The following MAP3K1 variants were observed in gnomAD, a reference collection of about 807,000 sequenced individuals.
MAP3K1 encodes MAP/ERK kinase kinase 1.
Under a neutral mutation model 144.2 loss-of-function variants are expected in MAP3K1, and 36 were observed. That is an observed-to-expected ratio of 0.25 (90% CI 0.19 to 0.33). The LOEUF (loss-of-function observed/expected upper bound fraction) is 0.33. MAP3K1 is among the 10% of genes least tolerant of loss of function. The pLI, the probability that MAP3K1 is intolerant of heterozygous loss-of-function variation, is 1.00. For missense variants in MAP3K1, 1,650 were observed against 1,881.9 expected, an observed-to-expected ratio of 0.88 and a Z score of 2.28; for synonymous variants, 718 against 688.7, an observed-to-expected ratio of 1.04 and a Z score of -0.67.
At chr5:56,887,659 AAT>A in intron 18 of MAP3K1, 139 bp downstream of exon 18, 1 of 902,480 alleles carries the variant, frequency 1.1e-6, no homozygotes, top group South Asian at 1.3e-5. Context: ...CGGTTTTAAT[AAT>A]ATCTTTCAGA....
chr5:56,844,024 A>G (rs1746898953), intron 1 of MAP3K1, among the ~76,000 whole-genome samples: 1 of 152,118 alleles, frequency 6.6e-6, no homozygotes, highest in African/African-American at 2.4e-5. Flanking sequence ...GGAATGCTAC[A>G]TACCTTCTTT....
At chr5:56,817,106 G>A (rs1746001627) in intron 1 of MAP3K1, 2 of 985,268 alleles carry the variant, frequency 2.0e-6, no homozygotes, top group African/African-American at 1.7e-5. Context: ...ATGAAGTACA[G>A]TATGTGTAAG....
rs532941102 is a variant in MAP3K1, at chr5:56,859,864, A to G, written c.783A>G (p.Thr261=). The G allele has an allele frequency of 6.2e-7, 1 of 1,613,886 alleles. No individual in the cohort carries two copies. Among genetic ancestry groups the G allele is most frequent in the South Asian group, 1.1e-5 (1 of 90,976 alleles). The change falls in exon 3 of 20, where the codon ACA becomes ACG. Residue 261 remains threonine, a synonymous_variant. Transcript: ENST00000399503. The stretch of plus-strand genomic sequence containing the variant: ...CTGGCAACTCCCCATCAGGTCGCAC[A>G]GTGAAATCAGAATCTCCAGGAGTAA... ...PSPGNSPSGR[T]VKSESPGVRR... is the part of the protein sequence containing the mutation.
At chr5:56,885,516 G>C (rs1016124766) in intron 16 of MAP3K1, among the ~76,000 whole-genome samples, 1 of 152,168 alleles carries the variant, frequency 6.6e-6, no homozygotes, top group Admixed American at 6.6e-5. Flanking sequence ...CTAGTAAATG[G>C]TAGAATATGA....
chr5:56,882,577 C>T lies in MAP3K1; in HGVS notation c.3377C>T (p.Thr1126Ile), dbSNP rs1354482006. ...GAGAAATGCAGATTAGATGTCAATA[C>T]AGAGCTCAACTCCAGTATTGAGGAC... ...VEEKCRLDVN[T>I]ELNSSIEDLL... The change falls in exon 14 of 20, where the codon ACA becomes ATA. Residue 1126 changes from threonine to isoleucine, a missense_variant. Physicochemically the swap from Thr to Ile is moderately conservative, Grantham distance 89. This residue lies in a region of MAP3K1 where 841 missense variants were observed against 886.5 expected (regional missense o/e 0.95). Coordinates refer to ENST00000399503, the MANE Select transcript of MAP3K1 (RefSeq NM_005921.2). 4 of 1,614,154 alleles carry T rather than the reference C, an allele frequency of 2.5e-6. No homozygotes were observed. Among genetic ancestry groups the T allele is most frequent in the Non-Finnish European group, 3.4e-6 (4 of 1,180,018 alleles).
At chr5:56,835,593 GA>G (rs1746630004) in intron 1 of MAP3K1, among the ~76,000 whole-genome samples, 1 of 151,956 alleles carries the variant, frequency 6.6e-6, no homozygotes, top group Non-Finnish European at 1.5e-5. Context: ...AGGGATGAAG[GA>G]GAGGTGCGGA....
intron 19 of MAP3K1, among the ~76,000 whole-genome samples, chr5:56,892,904 T>TAAA (rs1748588889): frequency 6.6e-6 from 1 of 151,820 alleles, no homozygotes; most frequent in Non-Finnish European, 1.5e-5. Flanking sequence ...TATCACAATT[T>TAAA]AAAAATAATT....
Position 56,815,586 on chromosome 5 carries a change from G to GCGGGGAATCGCGCCTCGTCGT in MAP3K1, c.18_38dup (p.Asn7_Gly13dup), listed in dbSNP as rs1201651532. ...CCCGCGAGAGAAAATGGCGGCGGCGGCGGGGAATCGCGCCTCGTCGTCGGG... is the reference window on the plus strand; with the variant it reads ...CCCGCGAGAGAAAATGGCGGCGGCGGCGGGGAATCGCGCCTCGTCGTCGGGGAATCGCGCCTCGTCGTCGGG... On this transcript the variant is annotated inframe_insertion, in exon 1 of 20. Transcript: ENST00000399503. 7 of 1,298,916 alleles carry GCGGGGAATCGCGCCTCGTCGT rather than the reference G, an allele frequency of 5.4e-6. No homozygotes were observed. Among genetic ancestry groups the GCGGGGAATCGCGCCTCGTCGT allele is most frequent in the African/African-American group, 1.5e-5 (1 of 64,552 alleles). 80.5% of individuals were successfully genotyped at this position (1,298,916 alleles called of 1,614,324 possible). A position where few individuals can be genotyped will look rare whatever the true frequency, so the allele number is the denominator to read the frequency against.
chr5:56,818,576 G>A (rs1746055382), intron 1 of MAP3K1, among the ~76,000 whole-genome samples: 1 of 152,088 alleles, frequency 6.6e-6, no homozygotes, highest in South Asian at 2.1e-4. Flanking sequence ...CAGGGTGATA[G>A]CTGAAATCAG....
At chr5:56,830,493 T>C (rs957954304) in intron 1 of MAP3K1, among the ~76,000 whole-genome samples, 1 of 152,200 alleles carries the variant, frequency 6.6e-6, no homozygotes, top group Non-Finnish European at 1.5e-5. Context: ...CCAAGTTGTT[T>C]TGGGACTTGG....
At chr5:56,841,850 AC>A (rs1746824806) in intron 1 of MAP3K1, among the ~76,000 whole-genome samples, 1 of 152,076 alleles carries the variant, frequency 6.6e-6, no homozygotes, top group Non-Finnish European at 1.5e-5. Context: ...GAATTTCCAG[AC>A]CCCTGAATCC....
In MAP3K1 at chr5:56,860,650, C is replaced by T. The variant is rs145573856; in HGVS notation, c.834+735C>T. 9.1e-3 allele frequency among the ~76,000 whole-genome samples: 1,386 copies of T among 152,128 alleles called. 11 individuals are homozygous for T. The highest frequency in any genetic ancestry group is 0.015 in the Non-Finnish European group (1,011 of 67,998). ...GGCGGATCACCTGAGGTCAGGAGTT[C>T]GAGACCAGCTTGGCCAACATGGTGA... On this transcript the variant is annotated intron_variant, in intron 3 of 19. Transcript: ENST00000399503.
intron 10 of MAP3K1, 79 bp downstream of exon 10, chr5:56,875,389 C>A: frequency 6.8e-7 from 1 of 1,478,442 alleles, no homozygotes; most frequent in Non-Finnish European, 9.3e-7. Flanking sequence ...TTTTAAGATA[C>A]AATAAAGCTA....
chr5:56,852,996 C>A (rs1409640631), intron 1 of MAP3K1, among the ~76,000 whole-genome samples: 1 of 151,928 alleles, frequency 6.6e-6, no homozygotes, highest in Non-Finnish European at 1.5e-5. Context: ...AAAAACAATA[C>A]AAGTATGTAA....
At chr5:56,859,689 C>G in intron 2 of MAP3K1, 26 bp from the exon 3 acceptor site, 1 of 1,545,648 alleles carries the variant, frequency 6.5e-7, no homozygotes, top group Non-Finnish European at 8.9e-7. Context: ...TTTAAGTAAT[C>G]AAAATATTGG....
intron 1 of MAP3K1, among the ~76,000 whole-genome samples, chr5:56,824,214 G>T (rs1185499054): frequency 1.3e-5 from 2 of 152,174 alleles, no homozygotes. Context: ...AAACCCAGCA[G>T]CCTCTCTTAT....
At chr5:56,844,009 T>C (rs1337398733) in intron 1 of MAP3K1, among the ~76,000 whole-genome samples, 2 of 152,060 alleles carry the variant, frequency 1.3e-5, no homozygotes, top group African/African-American at 4.8e-5. Flanking sequence ...GGCAAGTGAA[T>C]GTGAGGAATG....
intron 3 of MAP3K1, among the ~76,000 whole-genome samples, chr5:56,864,388 T>G (rs1341987097): frequency 6.6e-6 from 1 of 151,154 alleles, no homozygotes; most frequent in African/African-American, 2.4e-5. Flanking sequence ...CTTTTTTTTT[T>G]TTTTTTTGAG....
At chr5:56,852,688 C>T in intron 1 of MAP3K1, among the ~76,000 whole-genome samples, 1 of 152,042 alleles carries the variant, frequency 6.6e-6, no homozygotes. Flanking sequence ...AAAGTGTATA[C>T]ACTATTATTT....
Sources: allele counts gnomAD v4.1 joint callset (sites outside exome capture counted in the v4.1 genomes callset), GRCh38; gene constraint gnomAD v4.1.1; regional missense constraint gnomAD v4.1.1; transcripts MANE v1.5; gene names NCBI Gene and HGNC (gene_info 2026-07-23, HGNC 2026-07-21).